The following RAPGEF4 variants were observed in gnomAD, a reference collection of about 807,000 sequenced individuals.
The protein encoded by RAPGEF4 is RAP guanine-nucleotide-exchange factor (GEF) 4.
A neutral mutation model predicts 147.9 loss-of-function variants in RAPGEF4; 66 were observed. The observed-to-expected ratio is 0.45, with a 90% CI of 0.37 to 0.55. RAPGEF4 has a LOEUF of 0.55. Ranked by LOEUF, RAPGEF4 falls within the 20% of genes least tolerant of loss-of-function variation. The probability of loss-of-function intolerance (pLI) is 0.00; values close to 1 mark genes in which losing one functional copy is unlikely to be tolerated. For synonymous variants in RAPGEF4, 419 were observed against 442.7 expected (o/e 0.95, Z 0.67); for missense variants, 1,071 against 1,257.3 (o/e 0.85, Z 2.24).
intron 1 of RAPGEF4, among the ~76,000 whole-genome samples, chr2:172,760,520 C>T (rs1278123209): frequency 1.3e-5 from 2 of 152,058 alleles, no homozygotes; most frequent in Non-Finnish European, 2.9e-5. Context: ...AGATCGAGAC[C>T]ATCCTGGCTA....
At chr2:172,871,730 A>G (rs1695266149) in intron 4 of RAPGEF4, among the ~76,000 whole-genome samples, 1 of 151,534 alleles carries the variant, frequency 6.6e-6, no homozygotes, top group African/African-American at 2.4e-5. Flanking sequence ...AAGGAAGTAT[A>G]TATTAAATTA....
intron 6 of RAPGEF4, among the ~76,000 whole-genome samples, chr2:172,947,431 GGAAT>G: frequency 6.6e-6 from 1 of 152,156 alleles, no homozygotes; most frequent in East Asian, 1.9e-4. Context: ...AATCGCTGAA[GGAAT>G]GAATATTACT....
At chr2:172,803,256 A>T (rs1400707644) in intron 3 of RAPGEF4, among the ~76,000 whole-genome samples, 2 of 152,198 alleles carry the variant, frequency 1.3e-5, no homozygotes, top group African/African-American at 2.4e-5. Context: ...CCCTGCAGCA[A>T]ACTTCTGCCT....
At chr2:172,840,680 T>A (rs1203572089) in intron 4 of RAPGEF4, among the ~76,000 whole-genome samples, 1 of 152,212 alleles carries the variant, frequency 6.6e-6, no homozygotes, top group Non-Finnish European at 1.5e-5. Context: ...TGGATTTATT[T>A]AAGGTGAATA....
At chr2:173,037,469 C>CG (rs1426222651) in intron 29 of RAPGEF4, among the ~76,000 whole-genome samples, 10 of 152,206 alleles carry the variant, frequency 6.6e-5, no homozygotes, top group Admixed American at 1.3e-4. Context: ...TTACTCCTAG[C>CG]GGGGGGGAAA....
chr2:172,768,509 A>G (rs939495230), intron 1 of RAPGEF4, among the ~76,000 whole-genome samples: 1 of 151,658 alleles, frequency 6.6e-6, no homozygotes, highest in Admixed American at 6.6e-5. Context: ...CAAAAGTAAA[A>G]AAAAAAAAAA....
At chr2:172,977,052 A>G (rs1289203597) in intron 10 of RAPGEF4, among the ~76,000 whole-genome samples, 1 of 152,184 alleles carries the variant, frequency 6.6e-6, no homozygotes, top group Non-Finnish European at 1.5e-5. Context: ...TCATCTGGAG[A>G]AGGACAAGTA....
chr2:172,953,430 G>A (rs1688418456), intron 6 of RAPGEF4, among the ~76,000 whole-genome samples: 4 of 149,038 alleles, frequency 2.7e-5, no homozygotes. Flanking sequence ...ATTTATATAT[G>A]TAATATATAG....
At chr2:173,015,874 C>A (rs1336422326) in intron 18 of RAPGEF4, among the ~76,000 whole-genome samples, 1 of 152,038 alleles carries the variant, frequency 6.6e-6, no homozygotes, top group Non-Finnish European at 1.5e-5. Flanking sequence ...ACAATACATA[C>A]CAAAATAATG....
intron 10 of RAPGEF4, among the ~76,000 whole-genome samples, chr2:172,974,415 G>A (rs1690845889): frequency 6.6e-6 from 1 of 152,126 alleles, no homozygotes; most frequent in African/African-American, 2.4e-5. Flanking sequence ...TGGGTGTGGT[G>A]GTTCATACCT....
intron 17 of RAPGEF4, among the ~76,000 whole-genome samples, chr2:173,004,728 C>G (rs1209188602): frequency 6.6e-6 from 1 of 151,930 alleles, no homozygotes; most frequent in Non-Finnish European, 1.5e-5. Flanking sequence ...GCAAAGTTCA[C>G]CTGGCATCTC....
chr2:173,025,090 T>C (rs1285182496), intron 23 of RAPGEF4, among the ~76,000 whole-genome samples: 5 of 152,216 alleles, frequency 3.3e-5, no homozygotes, highest in Admixed American at 6.5e-5. Flanking sequence ...TCATTCATGT[T>C]CCCCTCCTGT....
chr2:172,998,108 A>G (rs1484558353), intron 16 of RAPGEF4, among the ~76,000 whole-genome samples: 1 of 152,238 alleles, frequency 6.6e-6, no homozygotes, highest in Non-Finnish European at 1.5e-5. Context: ...GAAGCTTATA[A>G]TCTGTTAGAA....
chr2:172,810,059 T>C (rs1176976842), intron 3 of RAPGEF4, among the ~76,000 whole-genome samples: 1 of 152,216 alleles, frequency 6.6e-6, no homozygotes, highest in Non-Finnish European at 1.5e-5. Context: ...ATAAATTAAA[T>C]TGGTACCTTA....
intron 12 of RAPGEF4, among the ~76,000 whole-genome samples, chr2:172,985,740 C>A (rs1340442463): frequency 1.3e-5 from 2 of 152,118 alleles, no homozygotes; most frequent in Non-Finnish European, 2.9e-5. Context: ...GTCTCACTGG[C>A]TCCCTACCCT....
chr2:172,961,849 G>A (rs1233646966), intron 8 of RAPGEF4, among the ~76,000 whole-genome samples: 1 of 152,180 alleles, frequency 6.6e-6, no homozygotes, highest in Non-Finnish European at 1.5e-5. Context: ...TAAGAATACA[G>A]CAGTGAACAA....
In RAPGEF4 at chr2:172,988,827, C is replaced by T; in HGVS notation, c.1362C>T (p.Asn454=). The stretch of plus-strand genomic sequence containing the variant: ...TAAGAGTAGACAAGGAGGATTTCAA[C>T]CGGATCCTAAGGGTGAGTCCAAAGC... ...HFLRVDKEDF[N]RILRDVEANT... is the part of the protein sequence containing the mutation. The change falls in exon 14 of 31, where the codon AAC becomes AAT. Residue 454 remains asparagine (N), a synonymous_variant. Transcript: ENST00000397081. 1 of 1,613,864 alleles carries T rather than the reference C, an allele frequency of 6.2e-7. No individual in the cohort carries two copies.
intron 26 of RAPGEF4, among the ~76,000 whole-genome samples, chr2:173,030,668 C>A (rs996345335): frequency 2.6e-5 from 4 of 152,116 alleles, no homozygotes; most frequent in Non-Finnish European, 5.9e-5. Context: ...CCATTTTTAT[C>A]CAAGTACTCA....
chr2:172,897,369 G>C (rs1296976410), intron 4 of RAPGEF4, among the ~76,000 whole-genome samples: 1 of 151,982 alleles, frequency 6.6e-6, no homozygotes, highest in African/African-American at 2.4e-5. Context: ...TCATTCTCTA[G>C]GATGCTGGGT....
Sources: allele counts gnomAD v4.1 joint callset (sites outside exome capture counted in the v4.1 genomes callset), GRCh38; gene constraint gnomAD v4.1.1; transcripts MANE v1.5; gene names NCBI Gene and HGNC (gene_info 2026-07-23, HGNC 2026-07-21).